The following GABRB1 variants were observed in gnomAD, a reference collection of about 807,000 sequenced individuals.
GABRB1 encodes gamma-aminobutyric acid type A receptor subunit beta1, also known as gamma-aminobutyric acid receptor subunit beta-1.
A neutral mutation model predicts 51.6 loss-of-function variants in GABRB1; 17 were observed. The ratio of observed to expected loss-of-function variants is 0.33; its 90% CI spans 0.23 to 0.49. The LOEUF is 0.49. GABRB1 is among the 20% of genes least tolerant of loss of function. The pLI, the probability that GABRB1 is intolerant of heterozygous loss-of-function variation, is 0.99. For synonymous variants in GABRB1, 247 were observed against 218.9 expected (o/e 1.13, Z -1.14); for missense variants, 410 against 600.6 (o/e 0.68, Z 3.32).
chr4:47,375,174 T>G (rs544351101), intron 5 of GABRB1, among the ~76,000 whole-genome samples: 1 of 152,194 alleles, frequency 6.6e-6, no homozygotes, highest in Non-Finnish European at 1.5e-5. Flanking sequence ...GTTTAAAAAT[T>G]ACTGTTATAG....
At chr4:47,114,762 A>G (rs983776708) in intron 3 of GABRB1, among the ~76,000 whole-genome samples, 4 of 152,216 alleles carry the variant, frequency 2.6e-5, no homozygotes, top group African/African-American at 9.6e-5. Context: ...TACAAGGCCC[A>G]GTGCAAAATG....
intron 4 of GABRB1, among the ~76,000 whole-genome samples, chr4:47,276,605 C>T (rs905714448): frequency 1.3e-5 from 2 of 152,108 alleles, no homozygotes; most frequent in African/African-American, 4.8e-5. Flanking sequence ...ATCTTGCCCT[C>T]ATTTTACAGA....
intron 3 of GABRB1, among the ~76,000 whole-genome samples, chr4:47,149,583 T>A (rs1717334409): frequency 6.6e-6 from 1 of 152,016 alleles, no homozygotes; most frequent in East Asian, 1.9e-4. Flanking sequence ...AGCCAAAGAC[T>A]TAGTTGATAG....
intron 5 of GABRB1, among the ~76,000 whole-genome samples, chr4:47,371,981 C>T (rs1473920922): frequency 1.3e-5 from 2 of 152,104 alleles, no homozygotes; most frequent in South Asian, 2.1e-4. Flanking sequence ...GTTGCAATTG[C>T]TTTTGGTGTT....
chr4:47,025,140 C>T (rs1028110181), intron 1 of GABRB1, among the ~76,000 whole-genome samples: 2 of 150,424 alleles, frequency 1.3e-5, no homozygotes, highest in African/African-American at 4.9e-5. Flanking sequence ...TTTATCCACT[C>T]ATTGATTGAT....
chr4:47,070,377 G>A (rs1192500985), intron 3 of GABRB1, among the ~76,000 whole-genome samples: 1 of 150,592 alleles, frequency 6.6e-6, no homozygotes, highest in Admixed American at 6.6e-5. Context: ...TTTTGCCCAG[G>A]CTAGAGTGCA....
chr4:47,282,097 TTGAC>T (rs1723313221), intron 4 of GABRB1, among the ~76,000 whole-genome samples: 1 of 152,230 alleles, frequency 6.6e-6, no homozygotes, highest in African/African-American at 2.4e-5. Context: ...AATTAATTGA[TTGAC>T]TCTTTCTATA....
intron 4 of GABRB1, among the ~76,000 whole-genome samples, chr4:47,239,629 T>C (rs1336786685): frequency 6.6e-6 from 1 of 152,234 alleles, no homozygotes; most frequent in Non-Finnish European, 1.5e-5. Flanking sequence ...CATCTGAAAT[T>C]GTAACTTCAA....
chr4:47,162,193 C>T (rs2119780), intron 4 of GABRB1, among the ~76,000 whole-genome samples: 150,574 of 152,184 alleles, frequency 0.99, 74,509 homozygotes, highest in Middle Eastern at 1. Flanking sequence ...TATTGATAGC[C>T]ACAACAAAAA....
At chr4:47,393,634 T>C (rs1236030487) in intron 5 of GABRB1, among the ~76,000 whole-genome samples, 4 of 152,242 alleles carry the variant, frequency 2.6e-5, no homozygotes, top group East Asian at 1.9e-4. Context: ...GTAAATTTCA[T>C]GAAGTAAATC....
chr4:47,052,952 G>C (rs1392655050), intron 3 of GABRB1, among the ~76,000 whole-genome samples: 1 of 152,186 alleles, frequency 6.6e-6, no homozygotes, highest in Non-Finnish European at 1.5e-5. Context: ...GAGAAAAAAG[G>C]GAAGAGTAGA....
chr4:47,216,789 T>TA (rs577174811), intron 4 of GABRB1, among the ~76,000 whole-genome samples: 2 of 151,920 alleles, frequency 1.3e-5, no homozygotes, highest in African/African-American at 4.8e-5. Context: ...GCCATTTTGA[T>TA]AAAAAGCTAA....
intron 4 of GABRB1, among the ~76,000 whole-genome samples, chr4:47,203,889 C>T (rs551076513): frequency 2.8e-4 from 42 of 152,222 alleles, no homozygotes; most frequent in African/African-American, 1.0e-3. Flanking sequence ...TTTCCATTTG[C>T]TCATTCTGGG....
At chr4:47,224,537 T>C (rs978654439) in intron 4 of GABRB1, among the ~76,000 whole-genome samples, 27 of 152,214 alleles carry the variant, frequency 1.8e-4, no homozygotes, top group African/African-American at 6.0e-4. Context: ...CCTAACATGA[T>C]TCTCCCTTTA....
At chr4:47,292,229 C>G (rs796725809) in intron 4 of GABRB1, among the ~76,000 whole-genome samples, 12 of 152,218 alleles carry the variant, frequency 7.9e-5, no homozygotes, top group African/African-American at 2.9e-4. Flanking sequence ...TTGTCTGCCA[C>G]CATATGAGAC....
At chr4:47,208,817 A>G (rs1720240879) in intron 4 of GABRB1, among the ~76,000 whole-genome samples, 1 of 152,086 alleles carries the variant, frequency 6.6e-6, no homozygotes, top group Non-Finnish European at 1.5e-5. Context: ...TCTACCCTAT[A>G]GTTGGGTCCA....
chr4:47,046,327 A>G (rs900554936), intron 3 of GABRB1, among the ~76,000 whole-genome samples: 1 of 152,142 alleles, frequency 6.6e-6, no homozygotes, highest in African/African-American at 2.4e-5. Flanking sequence ...GAGTTTTTAC[A>G]CCAAAGTTTG....
intron 1 of GABRB1, among the ~76,000 whole-genome samples, chr4:46,994,873 G>C (rs1012344781): frequency 3.9e-5 from 6 of 152,162 alleles, no homozygotes; most frequent in Non-Finnish European, 8.8e-5. Context: ...GGTATGAAGA[G>C]GGAACGCATT....
chr4:47,366,557 C>A (rs774104054), intron 5 of GABRB1, among the ~76,000 whole-genome samples: 1 of 152,096 alleles, frequency 6.6e-6, no homozygotes, highest in African/African-American at 2.4e-5. Context: ...AATCTGGCTC[C>A]AAACTGAGTC....
Sources: allele counts gnomAD v4.1 joint callset (sites outside exome capture counted in the v4.1 genomes callset), GRCh38; gene constraint gnomAD v4.1.1; transcripts MANE v1.5; gene names NCBI Gene and HGNC (gene_info 2026-07-23, HGNC 2026-07-21).